Variants in EIF4G1 observed in about 807,000 individuals in gnomAD.
EIF4G1 encodes the protein EIF4-gamma.
In EIF4G1, 4 loss-of-function variants were observed where a neutral mutation model predicts 187.8. The observed-to-expected ratio is 0.02, with a 90% CI of 0.01 to 0.05. The LOEUF (loss-of-function observed/expected upper bound fraction) is 0.05, where lower values mean the gene tolerates loss of function less well. Ranked by LOEUF, EIF4G1 falls within the 10% of genes least tolerant of loss-of-function variation. The probability of loss-of-function intolerance (pLI) is 1.00; values close to 1 mark genes in which losing one functional copy is unlikely to be tolerated. For missense variants in EIF4G1, 1,647 were observed against 2,081.1 expected (o/e 0.79, Z 4.06); for synonymous variants, 844 against 781.4 (o/e 1.08, Z -1.34).
chr3:184,316,181 A>G lies in EIF4G1; in HGVS notation c.110A>G (p.Gln37Arg). 1 of 1,614,130 alleles carries G rather than the reference A, an allele frequency of 6.2e-7. No homozygotes were observed. The highest frequency in any genetic ancestry group is 8.5e-7 in the Non-Finnish European group (1 of 1,180,012). The change falls in exon 4 of 33, where the codon CAA (glutamine) becomes CGA (arginine). Residue 37 changes from glutamine to arginine, a missense_variant. Around this residue, in one of 11 missense-constraint regions of EIF4G1, gnomAD observed 61 missense variants for 49.5 expected, o/e 1.23. Coordinates refer to ENST00000346169, the MANE Select transcript of EIF4G1 (RefSeq NM_198241.3). ...QTAPVVFSTPQATQMNTPSQP... is the reference protein window; with the variant it reads ...QTAPVVFSTPRATQMNTPSQP... ...GCGCCGGTGGTGTTCAGTACGCCAC[A>G]AGCGACACAAATGAACACGCCTTCT...
In EIF4G1 at chr3:184,325,761, G is replaced by T; in HGVS notation, c.3122-90G>T. Reference sequence around the variant, plus strand: ...ACTGAGACACCATGATGGAACTGAGGATCTGAGGAAGGGAGGCTGGGGGTG... The same window carrying T: ...ACTGAGACACCATGATGGAACTGAGTATCTGAGGAAGGGAGGCTGGGGGTG... On this transcript the variant is annotated intron_variant, in intron 20 of 32. Coordinates refer to ENST00000346169, the MANE Select transcript of EIF4G1 (RefSeq NM_198241.3). This position sits in a 1 kb window ranked among gnomAD's most constrained non-coding sequence, Gnocchi z 5.2. The T allele has an allele frequency of 6.2e-7, 1 of 1,611,056 alleles. No homozygotes were observed. Among genetic ancestry groups the T allele is most frequent in the African/African-American group, 1.3e-5 (1 of 74,992 alleles).
chr3:184,326,805 G>A, intron 22 of EIF4G1, 76 bp from the exon 23 acceptor site: 2 of 1,577,758 alleles, frequency 1.3e-6, no homozygotes, highest in Non-Finnish European at 1.7e-6. Flanking sequence ...GGGACCAAGT[G>A]TCCTAAACTG....
At position 184,324,878 on chromosome 3, in the gene EIF4G1, G is replaced by A. The variant is rs1339695176; in HGVS notation, c.2620G>A (p.Ala874Thr). The A allele has an allele frequency of 6.2e-7, 1 of 1,613,406 alleles. No homozygotes were observed. The change falls in exon 18 of 33, where the codon GCA becomes ACA. Residue 874 changes from alanine to threonine, a missense_variant and splice_region_variant. Physicochemically the swap from Ala to Thr is moderately conservative, Grantham distance 58. Coordinates refer to ENST00000346169, the MANE Select transcript of EIF4G1 (RefSeq NM_198241.3). ...ACAATCCCTGTCCTGTGAATGGCAGGCAGAGGAACGAGGACGCCTGAAGGA... is the reference window on the plus strand; with the variant it reads ...ACAATCCCTGTCCTGTGAATGGCAGACAGAGGAACGAGGACGCCTGAAGGA... Reference protein sequence around the residue: ...KQKEMDEAATAEERGRLKEEL... With the variant: ...KQKEMDEAATTEERGRLKEEL...
At position 184,324,326 on chromosome 3, in the gene EIF4G1, A is replaced by C; in HGVS notation, c.2598A>C (p.Lys866Asn). 6.2e-7 allele frequency: 1 copy of C among 1,614,228 alleles called. No individual in the cohort carries two copies. The highest frequency in any genetic ancestry group is 8.5e-7 in the Non-Finnish European group (1 of 1,180,030). ...DDDEVFEKKQ[K>N]EMDEAATAEE... ...ATGAGGTTTTTGAGAAGAAGCAAAA[A>C]GAGATGGATGAAGCTGCTACGGTGA... Residue 866 changes from lysine to asparagine, a missense_variant, in exon 17 of 33, where the codon AAA becomes AAC. Lys to Asn is a moderately conservative substitution (Grantham distance 94). Around this residue, in one of 11 missense-constraint regions of EIF4G1, gnomAD observed 40 missense variants for 42.2 expected, o/e 0.95. Coordinates refer to ENST00000346169, the MANE Select transcript of EIF4G1 (RefSeq NM_198241.3).
At chr3:184,316,527 GCT>G (rs938402781) in intron 4 of EIF4G1, among the ~76,000 whole-genome samples, 2 of 152,050 alleles carry the variant, frequency 1.3e-5, no homozygotes, top group African/African-American at 4.8e-5. Flanking sequence ...TTGCTCTATT[GCT>G]CTCTCTGCTT....
Position 184,324,929 on chromosome 3 carries a change from G to T in EIF4G1, c.2671G>T (p.Ala891Ser), listed in dbSNP as rs774823657. Reference sequence around the variant, plus strand: ...AGAGCTGGAAGAGGCTCGGGACATAGCCCGGCGGCGCTCTTTAGGGAATAT... The same window carrying T: ...AGAGCTGGAAGAGGCTCGGGACATATCCCGGCGGCGCTCTTTAGGGAATAT... ...KEELEEARDI[A>S]RRRSLGNIKF... Residue 891 changes from alanine (A) to serine (S), a missense_variant, in exon 18 of 33, where the codon GCC becomes TCC. By Grantham distance (99) the Ala-to-Ser change is moderately conservative (BLOSUM62 1). This residue lies in a region of EIF4G1 where 142 missense variants were observed against 296.6 expected (regional missense o/e 0.48). Transcript: ENST00000346169. The T allele has an allele frequency of 1.9e-6, 3 of 1,614,220 alleles. No individual in the cohort carries two copies. The highest frequency in any genetic ancestry group is 1.1e-5 in the South Asian group (1 of 91,086).
intron 17 of EIF4G1, 97 bp from the exon 18 acceptor site, chr3:184,324,781 G>C: frequency 7.4e-7 from 1 of 1,356,986 alleles, no homozygotes; most frequent in East Asian, 2.3e-5. Context: ...CCTCAGGACT[G>C]AGTGCTTATT....
intron 1 of EIF4G1, chr3:184,315,204 C>T: frequency 2.8e-6 from 1 of 358,278 alleles, no homozygotes; most frequent in South Asian, 2.0e-5. Context: ...CGCCGCCCGC[C>T]TGGCCTTTTA....
In EIF4G1 at chr3:184,327,213, C is replaced by T. The variant is rs1205324891; in HGVS notation, c.3429-3C>T. The T allele has an allele frequency of 6.2e-7, 1 of 1,612,558 alleles. No individual in the cohort carries two copies. The highest frequency in any genetic ancestry group is 1.3e-5 in the African/African-American group (1 of 75,022). The stretch of plus-strand genomic sequence containing the variant: ...AGTGAAAATTTGTCTGTCTGTCTTC[C>T]AGGAGTAGCTTGAGCCGAGAACGAG... On this transcript the variant is annotated splice_polypyrimidine_tract_variant and splice_region_variant and intron_variant, in intron 23 of 32. Coordinates refer to ENST00000346169, the MANE Select transcript of EIF4G1 (RefSeq NM_198241.3).
intron 28 of EIF4G1, among the ~76,000 whole-genome samples, chr3:184,330,102 A>G (rs866741883): frequency 6.6e-6 from 1 of 152,162 alleles, no homozygotes; most frequent in Non-Finnish European, 1.5e-5. Context: ...AAGAAAGAAA[A>G]GACTGGGCCG....
In EIF4G1 at chr3:184,326,648, G is replaced by A. The variant is rs1724969051; in HGVS notation, c.3325+19G>A. The stretch of plus-strand genomic sequence containing the variant: ...GACGCAGGTATGGAGGCAGTGTCAG[G>A]AGCTGGGTGGTTACCCGTCAGAGCT... On this transcript the variant is annotated intron_variant, in intron 22 of 32. Coordinates refer to ENST00000346169, the MANE Select transcript of EIF4G1 (RefSeq NM_198241.3). The A allele has an allele frequency of 6.2e-7, 1 of 1,606,288 alleles. No individual in the cohort carries two copies. Among genetic ancestry groups the A allele is most frequent in the African/African-American group, 1.3e-5 (1 of 74,930 alleles).
chr3:184,327,710 C>T lies in EIF4G1; in HGVS notation c.3780+6C>T, dbSNP rs1374029396. On this transcript the variant is annotated splice_donor_region_variant and intron_variant, in intron 25 of 32. Transcript: ENST00000346169. Reference sequence around the variant, plus strand: ...TCCATCTCAATGACATGAAAGTAGGCAGTGGGAGCGGCGTGTGATTGAGGA... The same window carrying T: ...TCCATCTCAATGACATGAAAGTAGGTAGTGGGAGCGGCGTGTGATTGAGGA... 2.5e-6 allele frequency: 4 copies of T among 1,613,716 alleles called. No homozygotes were observed. Among genetic ancestry groups the T allele is most frequent in the Non-Finnish European group, 3.4e-6 (4 of 1,179,716 alleles).
Position 184,335,021 on chromosome 3 carries a change from G to A in EIF4G1, c.*113G>A. ...CGGTGGCAGTGGGTGCCTGTAGTGT[G>A]ATGTGTCTGAACTAATAAAGTGGCT... is the stretch of plus-strand genomic sequence containing the variant. On this transcript the variant is annotated 3_prime_UTR_variant, in exon 33 of 33. Transcript: ENST00000346169. 4 of 1,417,800 alleles carry A rather than the reference G, an allele frequency of 2.8e-6. No individual in the cohort carries two copies. Among genetic ancestry groups the A allele is most frequent in the South Asian group, 1.2e-5 (1 of 82,076 alleles). 87.8% of individuals were successfully genotyped at this position (1,417,800 alleles called of 1,614,324 possible).
At chr3:184,327,034 G>A in intron 23 of EIF4G1, 51 bp downstream of exon 23, 1 of 1,611,264 alleles carries the variant, frequency 6.2e-7, no homozygotes, top group Non-Finnish European at 8.5e-7. Flanking sequence ...ACCGTGATTG[G>A]GTTCTGGTTG....
At position 184,325,402 on chromosome 3, in the gene EIF4G1, G is replaced by A. The variant is rs774028481; in HGVS notation, c.2961+29G>A. On this transcript the variant is annotated intron_variant, in intron 19 of 32. Transcript: ENST00000346169. The surrounding 1 kb of genome is among the most constrained non-coding windows in gnomAD (Gnocchi z 5.2). ...TGTGTCCCCCTCCTCCCCACTGCCA[G>A]CCTGCTGCCTCCAGTTTCTGACACT... is the stretch of plus-strand genomic sequence containing the variant. The A allele has an allele frequency of 1.8e-5, 29 of 1,614,162 alleles. 1 individual carries two copies. In the South Asian group the frequency reaches 3.1e-4, roughly 17 times the overall value.
intron 4 of EIF4G1, 117 bp downstream of exon 4, chr3:184,316,335 TCTTTCATGCGGCTCTGCGC>T: frequency 7.5e-7 from 1 of 1,329,938 alleles, no homozygotes; most frequent in South Asian, 1.3e-5. Context: ...TCCTCTGTGT[TCTTTCATGCGGCTCTGCGC>T]CTTGCCCTGT....
chr3:184,328,261 G>A, intron 26 of EIF4G1: 1 of 504,368 alleles, frequency 2.0e-6, no homozygotes, highest in South Asian at 2.0e-5. Flanking sequence ...GCCAGGCGTG[G>A]TGGCACAGTA....
In EIF4G1 at chr3:184,323,183, C is replaced by G; in HGVS notation, c.2030C>G (p.Thr677Ser). ...TPSFANLGRT[T>S]LSTRGPPRGG... ...TCCTTTGCCAACCTTGGCCGGACAA[C>G]CCTTAGCACCCGTGGGCCCCCAAGG... Residue 677 changes from threonine (T) to serine (S), a missense_variant, in exon 14 of 33, where the codon ACC becomes AGC. This residue lies in a region of EIF4G1 where 140 missense variants were observed against 222.2 expected (regional missense o/e 0.63). Transcript: ENST00000346169. The surrounding 1 kb of genome is among the most constrained non-coding windows in gnomAD (Gnocchi z 6.9). The G allele has an allele frequency of 6.2e-7, 1 of 1,614,248 alleles. No homozygotes were observed. The highest frequency in any genetic ancestry group is 8.5e-7 in the Non-Finnish European group (1 of 1,180,046).
rs778940938 is a variant in EIF4G1, at chr3:184,322,000, A to C, written c.1416A>C (p.Gly472=). ...AAGAAGGAGAAGCAGGAGAAGCAGG[A>C]GAAGCTGAGAGTGAGAAAGGAGGAG... The part of the protein sequence containing the change: ...EEEEGEAGEA[G]EAESEKGGEE... Residue 472 remains glycine (G), a synonymous_variant, in exon 10 of 33, where the codon GGA becomes GGC. Coordinates refer to ENST00000346169, the MANE Select transcript of EIF4G1 (RefSeq NM_198241.3). 6.3e-7 allele frequency: 1 copy of C among 1,599,536 alleles called. No individual in the cohort carries two copies. Among genetic ancestry groups the C allele is most frequent in the Non-Finnish European group, 8.6e-7 (1 of 1,166,214 alleles).
Sources: allele counts gnomAD v4.1 joint callset (sites outside exome capture counted in the v4.1 genomes callset), GRCh38; gene constraint gnomAD v4.1.1; regional missense constraint gnomAD v4.1.1; non-coding constraint Gnocchi (gnomAD v3.1); transcripts MANE v1.5; gene names NCBI Gene and HGNC (gene_info 2026-07-23, HGNC 2026-07-21).